Variants in PATJ observed in about 807,000 individuals in gnomAD.
PATJ encodes PATJ crumbs cell polarity complex component, also known as inaD-like protein.
Under a neutral mutation model 224.9 loss-of-function variants are expected in PATJ, and 190 were observed. The observed-to-expected ratio is 0.84, with a 90% CI of 0.75 to 0.95. The LOEUF is 0.95. Among genes scored for constraint, PATJ ranks in the 40% least tolerant of loss-of-function variants. The probability of loss-of-function intolerance (pLI) is 0.00; values close to 1 mark genes in which losing one functional copy is unlikely to be tolerated. For synonymous variants in PATJ, 769 were observed against 820.3 expected, an observed-to-expected ratio of 0.94 and a Z score of 1.07; for missense variants, 2,121 against 2,270.3, an observed-to-expected ratio of 0.93 and a Z score of 1.34.
chr1:61,842,971 A>T (rs939430706), intron 17 of PATJ, among the ~76,000 whole-genome samples: 1 of 152,004 alleles, frequency 6.6e-6, no homozygotes, highest in Non-Finnish European at 1.5e-5. Flanking sequence ...ACAAGTAGGT[A>T]TTGGAAATCT....
chr1:62,077,080 G>A (rs1014086538), intron 31 of PATJ, among the ~76,000 whole-genome samples: 3 of 152,090 alleles, frequency 2.0e-5, no homozygotes, highest in African/African-American at 7.2e-5. Context: ...TAGTTTAAGA[G>A]GGCTGCTTCA....
At chr1:61,949,002 G>A (rs1679197646) in intron 27 of PATJ, among the ~76,000 whole-genome samples, 1 of 151,176 alleles carries the variant, frequency 6.6e-6, no homozygotes, top group Non-Finnish European at 1.5e-5. Context: ...CTCGTAGGTG[G>A]GAATTGAACA....
chr1:61,767,960 TGCGCCGG>T (rs1646382889), intron 4 of PATJ, among the ~76,000 whole-genome samples: 1 of 151,886 alleles, frequency 6.6e-6, no homozygotes, highest in Non-Finnish European at 1.5e-5. Flanking sequence ...CATGAGCCAT[TGCGCCGG>T]GCCAGTTCTA....
At chr1:61,818,794 G>A (rs575733414) in intron 14 of PATJ, among the ~76,000 whole-genome samples, 6 of 152,286 alleles carry the variant, frequency 3.9e-5, no homozygotes, top group African/African-American at 1.2e-4. Flanking sequence ...TGGAGGGCAC[G>A]AGATGACATG....
intron 7 of PATJ, among the ~76,000 whole-genome samples, chr1:61,784,283 A>G (rs895129608): frequency 2.6e-5 from 4 of 152,246 alleles, no homozygotes; most frequent in African/African-American, 9.6e-5. Context: ...TCTGTTAAAG[A>G]ACAAAAGGGA....
At chr1:61,846,754 G>C (rs1662030152) in intron 17 of PATJ, among the ~76,000 whole-genome samples, 1 of 152,104 alleles carries the variant, frequency 6.6e-6, no homozygotes, top group South Asian at 2.1e-4. Flanking sequence ...GCACCACCAA[G>C]CCTGGCTAAC....
chr1:61,850,237 G>A (rs1662599825), intron 17 of PATJ, among the ~76,000 whole-genome samples: 1 of 152,170 alleles, frequency 6.6e-6, no homozygotes, highest in Admixed American at 6.5e-5. Flanking sequence ...CTTAGCTTAT[G>A]TGAAATCTGG....
chr1:62,025,963 C>G (rs1313916619), intron 29 of PATJ, among the ~76,000 whole-genome samples: 2 of 152,196 alleles, frequency 1.3e-5, no homozygotes. Flanking sequence ...ACCTTTTCCT[C>G]GGCACAACTG....
intron 25 of PATJ, among the ~76,000 whole-genome samples, chr1:61,910,667 C>T (rs559873874): frequency 6.7e-6 from 1 of 149,198 alleles, no homozygotes; most frequent in Admixed American, 6.8e-5. Flanking sequence ...CCAGTTCAGC[C>T]TCCCAAGTGG....
At chr1:61,978,465 G>A (rs967669261) in intron 27 of PATJ, among the ~76,000 whole-genome samples, 3 of 151,786 alleles carry the variant, frequency 2.0e-5, no homozygotes, top group East Asian at 1.9e-4. Flanking sequence ...GGGTTGCTCC[G>A]TGTTGGTCAG....
chr1:62,072,946 G>A (rs945170729), intron 31 of PATJ: 2 of 704,246 alleles, frequency 2.8e-6, no homozygotes, highest in African/African-American at 3.9e-5. Flanking sequence ...CCAATTAAAT[G>A]TACTAACTGC....
chr1:61,992,351 C>T (rs756684578), intron 28 of PATJ, among the ~76,000 whole-genome samples: 14 of 152,086 alleles, frequency 9.2e-5, no homozygotes, highest in South Asian at 2.1e-4. Flanking sequence ...CTCCCGACCT[C>T]GGGTAATCCA....
intron 27 of PATJ, among the ~76,000 whole-genome samples, chr1:61,939,122 CAAAAAAA>C (rs560139042): frequency 7.0e-5 from 4 of 57,486 alleles, no homozygotes; most frequent in South Asian, 1.8e-3. Context: ...GACTCCATCT[CAAAAAAA>C]AAAAAAAAAA....
chr1:62,157,533 T>C lies in PATJ; in HGVS notation c.5503-3375T>C, dbSNP rs1170841339. Among the ~76,000 whole-genome samples, 2 of 148,520 alleles carry C rather than the reference T, an allele frequency of 1.3e-5. 1 individual carries two copies. Among genetic ancestry groups the C allele is most frequent in the Non-Finnish European group, 3.0e-5 (2 of 66,848 alleles). Reference sequence around the variant, plus strand: ...TTCTTTCAGGTATCCGGTTGAAAACTTAAAAATCCAAGCCAGGAGGGGGAT... The same window carrying C: ...TTCTTTCAGGTATCCGGTTGAAAACCTAAAAATCCAAGCCAGGAGGGGGAT... On this transcript the variant is annotated intron_variant, in intron 43 of 43. Transcript: ENST00000642238.
intron 33 of PATJ, among the ~76,000 whole-genome samples, chr1:62,103,220 G>A (rs1365347579): frequency 6.6e-6 from 1 of 152,186 alleles, no homozygotes; most frequent in African/African-American, 2.4e-5. Context: ...TACTATCGTG[G>A]TGGGAGTACA....
rs1453872039 is a variant in PATJ at position 61,911,696 on chromosome 1, TA to T, written c.3493-2890del. Reference sequence around the variant, plus strand: ...AGAAATTCCATCATCTATATATTTTTATATATATATATATATATATATCATA... The same window carrying T: ...AGAAATTCCATCATCTATATATTTTTTATATATATATATATATATATCATA... On this transcript the variant is annotated intron_variant, in intron 25 of 43. Coordinates refer to ENST00000642238, the MANE Select transcript of PATJ (RefSeq NM_001350145.3). 2.7e-4 allele frequency among the ~76,000 whole-genome samples: 19 copies of T among 71,328 alleles called. No homozygotes were observed. The African/African-American group carries it at 5.9e-3, about 22-fold the overall frequency. The allele number at this position is 71,328 out of a possible 152,430, so 46.8% of individuals were successfully genotyped here.
chr1:61,862,735 A>G (rs1664809234), intron 19 of PATJ, among the ~76,000 whole-genome samples: 1 of 152,124 alleles, frequency 6.6e-6, no homozygotes, highest in Admixed American at 6.5e-5. Flanking sequence ...ACCCTACCTT[A>G]TGCTTTAATT....
intron 7 of PATJ, among the ~76,000 whole-genome samples, chr1:61,776,159 G>A (rs1326706953): frequency 2.6e-5 from 4 of 152,208 alleles, no homozygotes; most frequent in Non-Finnish European, 5.9e-5. Context: ...AGCTTGTGGA[G>A]CCACTGATGT....
At chr1:61,779,020 T>C (rs950335058) in intron 7 of PATJ, among the ~76,000 whole-genome samples, 4 of 148,602 alleles carry the variant, frequency 2.7e-5, no homozygotes, top group African/African-American at 7.4e-5. Flanking sequence ...TTTTGGAAAA[T>C]ATAGCTCTTT....
Sources: gnomAD v4.1 joint callset for allele counts (sites outside exome capture counted in the v4.1 genomes callset) on GRCh38, gnomAD v4.1.1 for gene constraint, MANE v1.5 for transcripts, NCBI Gene and HGNC (gene_info 2026-07-23, HGNC 2026-07-21) for gene names.